ARL17B: variants seen among roughly 807,000 people sequenced by gnomAD.
ARL17B encodes ARF like GTPase 17B.
intron 3 of ARL17B, among the ~76,000 whole-genome samples, chr17:46,307,782 G>C (rs1218094950): frequency 1.3e-5 from 1 of 79,266 alleles, no homozygotes; most frequent in African/African-American, 3.1e-5. Flanking sequence ...CTTTGCTGAG[G>C]TGGGTGGATC....
chr17:46,275,570 T>G (rs1371395332), intron 4 of ARL17B, among the ~76,000 whole-genome samples: 2 of 152,250 alleles, frequency 1.3e-5, no homozygotes, highest in Non-Finnish European at 2.9e-5. Flanking sequence ...TTAAGAAATT[T>G]TTAACCTATA....
intron 4 of ARL17B, among the ~76,000 whole-genome samples, chr17:46,279,500 C>CTTTTTT (rs369361891): frequency 6.5e-5 from 8 of 122,416 alleles, no homozygotes; most frequent in South Asian, 2.5e-4. Context: ...TTCTTTCTTT[C>CTTTTTT]TTTTTTTTTT....
intron 4 of ARL17B, among the ~76,000 whole-genome samples, chr17:46,281,351 G>A (rs2143355052): frequency 6.6e-6 from 1 of 151,798 alleles, no homozygotes; most frequent in Admixed American, 6.6e-5. Flanking sequence ...AGAATTTAAA[G>A]TCCCGTGACT....
intron 3 of ARL17B, among the ~76,000 whole-genome samples, chr17:46,324,097 G>A (rs552357999): frequency 8.3e-6 from 1 of 120,596 alleles, no homozygotes; most frequent in Non-Finnish European, 1.8e-5. Context: ...GTGTGGAAAT[G>A]CCATCTCTAC....
intron 4 of ARL17B, among the ~76,000 whole-genome samples, chr17:46,283,695 A>G (rs1418246506): frequency 1.5e-5 from 2 of 137,112 alleles, no homozygotes; most frequent in Non-Finnish European, 3.4e-5. Context: ...AAAGACACAG[A>G]GACAAAGTAC....
At chr17:46,340,279 G>A (rs1258343797) in intron 3 of ARL17B, among the ~76,000 whole-genome samples, 2 of 73,080 alleles carry the variant, frequency 2.7e-5, no homozygotes, top group African/African-American at 4.3e-5. Flanking sequence ...GCAATGGCAC[G>A]ATCTCAGCTC....
intron 3 of ARL17B, among the ~76,000 whole-genome samples, chr17:46,340,109 C>G: frequency 1.0e-5 from 1 of 99,504 alleles, no homozygotes; most frequent in South Asian, 4.5e-4. Context: ...GAAAGCTGAG[C>G]GGTCTGCAGG....
At chr17:46,351,973 C>A (rs1305039184) in intron 3 of ARL17B, among the ~76,000 whole-genome samples, 1 of 152,274 alleles carries the variant, frequency 6.6e-6, no homozygotes. Flanking sequence ...CGGTGGCTCA[C>A]GCCTATAATC....
intron 4 of ARL17B, among the ~76,000 whole-genome samples, chr17:46,291,455 G>C (rs559474744): frequency 6.6e-6 from 1 of 151,940 alleles, no homozygotes; most frequent in Non-Finnish European, 1.5e-5. Flanking sequence ...AGAGTTTCTC[G>C]GGGGTAAGGG....
rs1436012057 is a variant in ARL17B at position 46,315,932 on chromosome 17, T to C, written c.260-16267A>G. Among the ~76,000 whole-genome samples, 157 of 71,328 alleles carry C rather than the reference T, an allele frequency of 2.2e-3. 19 individuals are homozygous for C. Among genetic ancestry groups the C allele is most frequent in the African/African-American group, 5.6e-3 (147 of 26,382 alleles). The allele number at this position is 71,328 out of a possible 152,430, so 46.8% of individuals were successfully genotyped here. On this transcript the variant is annotated intron_variant, in intron 3 of 4. Coordinates refer to the ARL17B transcript ENST00000434041. ...TAAGTATCTTTTTCTTTTTTTTTTT[T>C]CTTTATTTTGGGACAGAGTCTCACT... is the stretch of plus-strand genomic sequence containing the variant.
At chr17:46,348,717 C>CA (rs1173916739) in intron 3 of ARL17B, among the ~76,000 whole-genome samples, 3 of 129,012 alleles carry the variant, frequency 2.3e-5, no homozygotes, top group African/African-American at 3.3e-5. Context: ...CTCTGAGTAT[C>CA]AAAAAAATAC....
chr17:46,315,186 A>C (rs1461629843), intron 3 of ARL17B, among the ~76,000 whole-genome samples: 1 of 76,698 alleles, frequency 1.3e-5, no homozygotes, highest in East Asian at 2.5e-4. Context: ...TATGTCTCTA[A>C]GAACAATAGT....
At chr17:46,285,704 T>C (rs1598076364) in intron 4 of ARL17B, among the ~76,000 whole-genome samples, 1 of 152,230 alleles carries the variant, frequency 6.6e-6, no homozygotes, top group African/African-American at 2.4e-5. Flanking sequence ...GGGGATATGG[T>C]AAAGCTCATG....
chr17:46,331,079 G>A, downstream of ARL17B: 7 of 716,650 alleles, frequency 9.8e-6, 2 homozygotes, highest in Non-Finnish European at 8.4e-6. Context: ...CCTACCACAG[G>A]TGAGAGACAG....
intron 4 of ARL17B, among the ~76,000 whole-genome samples, chr17:46,281,024 T>G (rs2143351695): frequency 6.6e-6 from 1 of 152,124 alleles, no homozygotes; most frequent in East Asian, 1.9e-4. Context: ...ACTTTTAGAT[T>G]TATTCTTCCA....
rs2050977363 is a variant in ARL17B at position 46,314,738 on chromosome 17, T to G, written c.260-15073A>C. Reference sequence around the variant, plus strand: ...TGTTTACAGAATACTCCGTTGAATTTGGTTTGCCAGATTTTGTCAAGCATT... The same window carrying G: ...TGTTTACAGAATACTCCGTTGAATTGGGTTTGCCAGATTTTGTCAAGCATT... On this transcript the variant is annotated intron_variant, in intron 3 of 4. Transcript: ENST00000434041. Among the ~76,000 whole-genome samples the G allele has an allele frequency of 7.5e-5, 6 of 80,506 alleles. 3 individuals carry two copies. The highest frequency in any genetic ancestry group is 2.3e-4 in the Non-Finnish European group (6 of 26,546). The allele number at this position is 80,506 out of a possible 152,430, so 52.8% of individuals were successfully genotyped here. A position where few individuals can be genotyped will look rare whatever the true frequency, so the allele number is the denominator to read the frequency against.
intron 4 of ARL17B, among the ~76,000 whole-genome samples, chr17:46,287,323 A>G (rs1041923979): frequency 6.6e-6 from 1 of 152,284 alleles, no homozygotes; most frequent in African/African-American, 2.4e-5. Context: ...CAAAGAATCA[A>G]AGACTTACAC....
chr17:46,278,790 C>CATTATTTTT (rs368765726), intron 4 of ARL17B, among the ~76,000 whole-genome samples: 16,745 of 149,128 alleles, frequency 0.11, no homozygotes, highest in Non-Finnish European at 0.17. Flanking sequence ...AAACCAATGT[C>CATTATTTTT]ATTATTTTTA....
chr17:46,290,230 AG>A (rs1473612257), intron 4 of ARL17B, among the ~76,000 whole-genome samples: 5 of 152,194 alleles, frequency 3.3e-5, no homozygotes, highest in African/African-American at 1.2e-4. Flanking sequence ...CCTGGGGTCA[AG>A]CAGTCCCCTG....
Sources: gnomAD v4.1 joint callset for allele counts (sites outside exome capture counted in the v4.1 genomes callset) on GRCh38, gnomAD v4.1.1 for gene constraint, MANE v1.5 for transcripts, NCBI Gene and HGNC (gene_info 2026-07-23, HGNC 2026-07-21) for gene names.